DLG2: variants seen among roughly 807,000 people sequenced by gnomAD.
DLG2 encodes the protein disks large homolog 2.
A neutral mutation model predicts 132.5 loss-of-function variants in DLG2; 45 were observed. That is an observed-to-expected ratio of 0.34 (90% CI 0.27 to 0.44). DLG2 has a LOEUF of 0.44. DLG2 is among the 20% of genes least tolerant of loss of function. The pLI is 1.00. For synonymous variants in DLG2, 424 were observed against 419.6 expected, an observed-to-expected ratio of 1.01 and a Z score of -0.13; for missense variants, 1,045 against 1,196.9, an observed-to-expected ratio of 0.87 and a Z score of 1.87.
At chr11:85,208,272 AAATT>A (rs759167396) in intron 4 of DLG2, among the ~76,000 whole-genome samples, 47 of 152,270 alleles carry the variant, frequency 3.1e-4, no homozygotes, top group African/African-American at 5.8e-4. Context: ...TACAGTTTCA[AAATT>A]AATGACAAAA....
At chr11:85,382,317 G>T (rs1163439106) in intron 3 of DLG2, among the ~76,000 whole-genome samples, 2 of 152,060 alleles carry the variant, frequency 1.3e-5, no homozygotes, top group Non-Finnish European at 2.9e-5. Context: ...AAATTCATAT[G>T]CAAAGGAATC....
At chr11:85,056,922 G>A (rs1176813089) in intron 6 of DLG2, among the ~76,000 whole-genome samples, 2 of 151,742 alleles carry the variant, frequency 1.3e-5, no homozygotes, top group African/African-American at 4.8e-5. Flanking sequence ...TACACCAGCA[G>A]ATCTATATTT....
At chr11:84,391,097 A>G (rs1247640695) in intron 7 of DLG2, among the ~76,000 whole-genome samples, 5 of 152,172 alleles carry the variant, frequency 3.3e-5, no homozygotes, top group Non-Finnish European at 7.3e-5. Context: ...ACCTATATTC[A>G]GTGAATGTTA....
chr11:84,084,275 G>A (rs1352131683), intron 10 of DLG2, among the ~76,000 whole-genome samples: 1 of 152,162 alleles, frequency 6.6e-6, no homozygotes, highest in East Asian at 1.9e-4. Context: ...TCGCTGTGCT[G>A]GAATTTCCTG....
At chr11:84,098,250 G>A (rs975811088) in intron 10 of DLG2, among the ~76,000 whole-genome samples, 10 of 152,006 alleles carry the variant, frequency 6.6e-5, no homozygotes, top group African/African-American at 2.2e-4. Flanking sequence ...TGCTGGCCAG[G>A]CTGGTCTCAA....
intron 9 of DLG2, among the ~76,000 whole-genome samples, chr11:84,150,952 A>G (rs2095273646): frequency 6.6e-6 from 1 of 152,202 alleles, no homozygotes; most frequent in African/African-American, 2.4e-5. Context: ...TCCCAGAAAT[A>G]AAGCCTACTT....
chr11:84,545,493 C>T, intron 6 of DLG2: 1 of 405,038 alleles, frequency 2.5e-6, no homozygotes, highest in South Asian at 2.0e-5. Context: ...GCATCCAGAA[C>T]TACTTTGGCT....
At chr11:84,744,349 T>C (rs1260209487) in intron 6 of DLG2, among the ~76,000 whole-genome samples, 3 of 152,230 alleles carry the variant, frequency 2.0e-5, no homozygotes, top group Non-Finnish European at 4.4e-5. Context: ...CAGGTGGGGC[T>C]ATAAAATATA....
At chr11:83,590,107 C>T (rs1340875789) in intron 19 of DLG2, among the ~76,000 whole-genome samples, 3 of 136,920 alleles carry the variant, frequency 2.2e-5, no homozygotes, top group South Asian at 5.1e-4. Context: ...CAAGGATACC[C>T]AGCAATTGAA....
In DLG2 at chr11:85,015,113, T is replaced by C. The variant is rs1028189482; in HGVS notation, c.357+96548A>G. ...TCACCAAGAGCACTGAAATGAATGC[T>C]TGCCAATTTACAGAAGAAGTAGATG... On this transcript the variant is annotated intron_variant, in intron 6 of 27. Coordinates refer to ENST00000376104, the MANE Select transcript of DLG2 (RefSeq NM_001142699.3). Among the ~76,000 whole-genome samples, 5 of 152,202 alleles carry C rather than the reference T, an allele frequency of 3.3e-5. No homozygotes were observed. The East Asian group carries it at 9.6e-4, about 29-fold the overall frequency.
intron 11 of DLG2, among the ~76,000 whole-genome samples, chr11:83,988,539 A>G (rs974911679): frequency 9.2e-5 from 14 of 152,174 alleles, no homozygotes; most frequent in African/African-American, 2.9e-4. Flanking sequence ...CTTCCTATCC[A>G]TGAGCATGGA....
chr11:85,395,046 C>T (rs1039836674), intron 3 of DLG2, among the ~76,000 whole-genome samples: 2 of 152,178 alleles, frequency 1.3e-5, no homozygotes, highest in African/African-American at 4.8e-5. Flanking sequence ...ATGCTTCTGT[C>T]TGTAAGATCT....
At chr11:84,914,997 A>G (rs1441056709) in intron 6 of DLG2, among the ~76,000 whole-genome samples, 1 of 152,330 alleles carries the variant, frequency 6.6e-6, no homozygotes, top group East Asian at 1.9e-4. Context: ...GCACCGATCT[A>G]TGAATTCCCA....
At chr11:85,262,900 T>C (rs566106386) in intron 4 of DLG2, among the ~76,000 whole-genome samples, 3 of 152,296 alleles carry the variant, frequency 2.0e-5, no homozygotes, top group African/African-American at 7.2e-5. Flanking sequence ...ATGAGAAAAT[T>C]AGACATTTCT....
intron 6 of DLG2, chr11:84,762,125 A>G (rs1017463436): frequency 1.3e-5 from 2 of 152,182 alleles, no homozygotes; most frequent in African/African-American, 4.8e-5. Flanking sequence ...ATCATATTTG[A>G]AAACAAGGTG....
intron 19 of DLG2, chr11:83,631,456 A>G (rs1352702281): frequency 6.6e-6 from 1 of 152,072 alleles, no homozygotes; most frequent in East Asian, 1.9e-4. Context: ...GTCTCATTAA[A>G]AAGAGGTTCC....
intron 3 of DLG2, among the ~76,000 whole-genome samples, chr11:85,289,406 T>C (rs1228022382): frequency 6.6e-6 from 1 of 152,112 alleles, no homozygotes; most frequent in African/African-American, 2.4e-5. Flanking sequence ...CAATGCCCAG[T>C]TCCAGTTCAG....
intron 12 of DLG2, among the ~76,000 whole-genome samples, chr11:83,976,082 A>G (rs1176977183): frequency 6.6e-6 from 1 of 151,848 alleles, no homozygotes; most frequent in Non-Finnish European, 1.5e-5. Context: ...AAAGTACCCA[A>G]TATGGATGGT....
At chr11:84,609,701 G>T (rs2154536978) in intron 6 of DLG2, among the ~76,000 whole-genome samples, 1 of 152,212 alleles carries the variant, frequency 6.6e-6, no homozygotes. Flanking sequence ...AGGATTATCA[G>T]ATTCCCTGCC....
Sources: gnomAD v4.1 joint callset for allele counts (sites outside exome capture counted in the v4.1 genomes callset) on GRCh38, gnomAD v4.1.1 for gene constraint, MANE v1.5 for transcripts, NCBI Gene and HGNC (gene_info 2026-07-23, HGNC 2026-07-21) for gene names.